The following MICAL2 variants were observed in gnomAD, a reference collection of about 807,000 sequenced individuals.
MICAL2 encodes microtubule associated monooxygenase, calponin and LIM domain containing 2.
A neutral mutation model predicts 127.3 loss-of-function variants in MICAL2; 77 were observed. The ratio of observed to expected loss-of-function variants is 0.60; its 90% CI spans 0.50 to 0.73. The LOEUF (loss-of-function observed/expected upper bound fraction) is 0.73, where lower values mean the gene tolerates loss of function less well. MICAL2 is among the 30% of genes least tolerant of loss of function. The pLI is 0.00. For missense variants in MICAL2, 1,351 were observed against 1,434.4 expected (o/e 0.94, Z 0.94); for synonymous variants, 570 against 551.1 (o/e 1.03, Z -0.48).
At chr11:12,311,388 T>G (rs1420790583) in intron 29 of MICAL2, among the ~76,000 whole-genome samples, 1 of 151,580 alleles carries the variant, frequency 6.6e-6, no homozygotes, top group Non-Finnish European at 1.5e-5. Context: ...TTGGTTGGTG[T>G]TGTTGGTTTC....
chr11:12,126,502 G>A lies in MICAL2; in HGVS notation c.-148-11888G>A, dbSNP rs555468007. 2.0e-5 allele frequency among the ~76,000 whole-genome samples: 3 copies of A among 152,242 alleles called. No homozygotes were observed. The South Asian group carries it at 6.2e-4, about 32-fold the overall frequency. On this transcript the variant is annotated intron_variant, in intron 1 of 27. Transcript: ENST00000683283. Reference sequence around the variant, plus strand: ...TCTGAAGAAAAAATGCAGCCTCTTGGGAGTGGCCAGTCCAGGTACCTATAA... The same window carrying A: ...TCTGAAGAAAAAATGCAGCCTCTTGAGAGTGGCCAGTCCAGGTACCTATAA...
At chr11:12,134,279 G>A (rs1324470262) in intron 1 of MICAL2, among the ~76,000 whole-genome samples, 4 of 152,172 alleles carry the variant, frequency 2.6e-5, no homozygotes, top group African/African-American at 9.7e-5. Context: ...CCTTTAAAAA[G>A]AGTTGTTTTA....
intron 10 of MICAL2, among the ~76,000 whole-genome samples, chr11:12,222,360 C>A (rs1017670309): frequency 6.6e-6 from 1 of 152,206 alleles, no homozygotes; most frequent in Non-Finnish European, 1.5e-5. Context: ...GTGCTGCCAG[C>A]CCTGCATCCC....
At chr11:12,199,271 AGCAAATAGGACAGTGCCTG>A (rs903255167) in intron 3 of MICAL2, among the ~76,000 whole-genome samples, 4 of 152,164 alleles carry the variant, frequency 2.6e-5, no homozygotes, top group African/African-American at 9.7e-5. Context: ...AAACACACAA[AGCAAATAGGACAGTGCCTG>A]GCAAATAGAA....
At chr11:12,304,363 G>A (rs1230024782) in intron 29 of MICAL2, among the ~76,000 whole-genome samples, 3 of 152,114 alleles carry the variant, frequency 2.0e-5, no homozygotes, top group Non-Finnish European at 4.4e-5. Flanking sequence ...AGGCACGGTG[G>A]CTTACACCTA....
At chr11:12,285,786 C>A (rs1202343842) in intron 2 of MICAL2, among the ~76,000 whole-genome samples, 2 of 152,204 alleles carry the variant, frequency 1.3e-5, no homozygotes, top group East Asian at 3.9e-4. Context: ...AGGACTGTTT[C>A]TAGACAGAAA....
intron 2 of MICAL2, among the ~76,000 whole-genome samples, chr11:12,146,681 AT>A (rs1305818311): frequency 6.6e-6 from 1 of 152,186 alleles, no homozygotes; most frequent in Non-Finnish European, 1.5e-5. Context: ...AGAACTAGAA[AT>A]ACCATTTGAC....
At chr11:12,344,499 T>C (rs1477742848) in intron 32 of MICAL2, among the ~76,000 whole-genome samples, 5 of 147,012 alleles carry the variant, frequency 3.4e-5, no homozygotes, top group African/African-American at 1.2e-4. Context: ...ATTATTATTA[T>C]TATTATTATT....
chr11:12,354,797 G>C, exon 34 of MICAL2: 9 of 1,614,016 alleles, frequency 5.6e-6, no homozygotes, highest in Non-Finnish European at 7.6e-6. Flanking sequence ...CCAGGAACTG[G>C]AATTAGAAGA....
intron 2 of MICAL2, among the ~76,000 whole-genome samples, chr11:12,146,151 A>G (rs1852877760): frequency 6.6e-6 from 1 of 152,222 alleles, no homozygotes; most frequent in Non-Finnish European, 1.5e-5. Flanking sequence ...GGACATAGGC[A>G]TGGGCAAGGA....
At chr11:12,136,127 T>A (rs1851814268) in intron 1 of MICAL2, among the ~76,000 whole-genome samples, 1 of 151,994 alleles carries the variant, frequency 6.6e-6, no homozygotes, top group Non-Finnish European at 1.5e-5. Context: ...CAGGAAACCT[T>A]CCCTGTATCA....
intron 2 of MICAL2, among the ~76,000 whole-genome samples, chr11:12,141,121 T>A (rs902972585): frequency 6.6e-6 from 1 of 152,190 alleles, no homozygotes; most frequent in African/African-American, 2.4e-5. Flanking sequence ...GATACTTGGG[T>A]CATCTTTCTT....
intron 1 of MICAL2, among the ~76,000 whole-genome samples, chr11:12,115,664 T>G (rs2133427772): frequency 6.6e-6 from 1 of 152,290 alleles, no homozygotes; most frequent in African/African-American, 2.4e-5. Flanking sequence ...TTAAGTTTTC[T>G]GACTCTGGAT....
chr11:12,178,726 A>AT (rs11438609), intron 3 of MICAL2, among the ~76,000 whole-genome samples: 59,761 of 146,216 alleles, frequency 0.41, 12,834 homozygotes, highest in Middle Eastern at 0.56. Flanking sequence ...TATTATTACT[A>AT]TTTTTTTTTT....
At chr11:12,255,599 C>T in intron 22 of MICAL2, 44 bp from the exon 23 acceptor site, 1 of 1,570,860 alleles carries the variant, frequency 6.4e-7, no homozygotes, top group African/African-American at 1.4e-5. Flanking sequence ...TGCTAACTGG[C>T]CTCTACCTTT....
intron 1 of MICAL2, among the ~76,000 whole-genome samples, chr11:12,123,864 C>G (rs1013495158): frequency 1.3e-5 from 2 of 152,108 alleles, no homozygotes; most frequent in African/African-American, 4.8e-5. Context: ...TCTTTTTATA[C>G]AGCGAAGGCA....
intron 32 of MICAL2, among the ~76,000 whole-genome samples, chr11:12,332,646 C>T (rs1020873672): frequency 6.6e-6 from 1 of 152,126 alleles, no homozygotes; most frequent in African/African-American, 2.4e-5. Context: ...TGCCCTGTTC[C>T]CAAGTCCCAT....
intron 34 of MICAL2, among the ~76,000 whole-genome samples, chr11:12,355,354 A>C (rs566601854): frequency 2.6e-5 from 4 of 152,182 alleles, no homozygotes; most frequent in African/African-American, 9.7e-5. Flanking sequence ...CAGCGTGGGC[A>C]GGGCCAGGGC....
intron 12 of MICAL2, 123 bp downstream of exon 12, chr11:12,223,624 G>T (rs1013997976): frequency 8.8e-6 from 7 of 795,822 alleles, no homozygotes; most frequent in African/African-American, 1.7e-5. Flanking sequence ...TTACCTGTGT[G>T]GTCATGGGCA....
Sources: gnomAD v4.1 joint callset for allele counts (sites outside exome capture counted in the v4.1 genomes callset) on GRCh38, gnomAD v4.1.1 for gene constraint, MANE v1.5 for transcripts, NCBI Gene and HGNC (gene_info 2026-07-23, HGNC 2026-07-21) for gene names.